Variants in GDA observed in about 807,000 individuals in gnomAD.
The protein encoded by GDA is guanine deaminase, also known as cytoplasmic PSD-95 interactor.
Under a neutral mutation model 59.6 loss-of-function variants are expected in GDA, and 18 were observed. The ratio of observed to expected loss-of-function variants is 0.30; its 90% confidence interval spans 0.21 to 0.45. The LOEUF is 0.45. Among genes scored for constraint, GDA ranks in the 20% least tolerant of loss-of-function variants. The pLI is 1.00. For synonymous variants in GDA, 201 were observed against 201.1 expected (o/e 1.00, Z 0.00); for missense variants, 427 against 552.3 (o/e 0.77, Z 2.27).
At chr9:72,199,994 C>CTTTTTTT (rs1271694156) in intron 2 of GDA, among the ~76,000 whole-genome samples, 10 of 119,842 alleles carry the variant, frequency 8.3e-5, no homozygotes, top group African/African-American at 1.7e-4. Context: ...TGAATCCTTT[C>CTTTTTTT]TTTTTTTTTT....
In GDA at chr9:72,249,237, G is replaced by A. The variant is rs191245546; in HGVS notation, c.*895G>A. The A allele has an allele frequency of 2.4e-5, 24 of 984,876 alleles. No homozygotes were observed. The Admixed American group carries it at 2.5e-4, about 10-fold the overall frequency. The allele number at this position is 984,876 out of a possible 1,614,324, so 61.0% of individuals were successfully genotyped here. ...GGAGTCTTCGTGAACTGGGGCAAAT[G>A]CTGGCATCCAGGAGCCGCCAATACT... On this transcript the variant is annotated 3_prime_UTR_variant, in exon 14 of 14. Coordinates refer to ENST00000358399, the MANE Select transcript of GDA (RefSeq NM_004293.5).
At chr9:72,167,706 T>A (rs919358335) in intron 1 of GDA, among the ~76,000 whole-genome samples, 6 of 152,202 alleles carry the variant, frequency 3.9e-5, no homozygotes, top group African/African-American at 1.4e-4. Flanking sequence ...TGTGGAGGTG[T>A]GTGTTCAAGA....
At chr9:72,216,762 G>A (rs2131513232) in intron 5 of GDA, among the ~76,000 whole-genome samples, 1 of 151,506 alleles carries the variant, frequency 6.6e-6, no homozygotes, top group Admixed American at 6.6e-5. Context: ...TGCAAGCTCT[G>A]CCTCACAGGT....
At chr9:72,149,425 C>A, upstream of GDA, 1 of 1,058,110 alleles carries the variant, frequency 9.5e-7, no homozygotes, top group Non-Finnish European at 1.3e-6. Flanking sequence ...GGCAACCGCC[C>A]GGGTAAGCGG....
In GDA at chr9:72,248,964, T is replaced by A. The variant is rs1374361199; in HGVS notation, c.*622T>A. 1.0e-6 allele frequency: 1 copy of A among 984,552 alleles called. No homozygotes were observed. Among genetic ancestry groups the A allele is most frequent in the East Asian group, 1.1e-4 (1 of 8,806 alleles). The allele number at this position is 984,552 out of a possible 1,614,324, so 61.0% of individuals were successfully genotyped here. A position where few individuals can be genotyped will look rare whatever the true frequency, so the allele number is the denominator to read the frequency against. On this transcript the variant is annotated 3_prime_UTR_variant, in exon 14 of 14. Coordinates refer to ENST00000358399, the MANE Select transcript of GDA (RefSeq NM_004293.5). ...GATGTGTTAGTGTTGTGCTTTGCCT[T>A]CTTTGGCGATGAATGTCAGAAATTG... is the stretch of plus-strand genomic sequence containing the variant.
intron 1 of GDA, among the ~76,000 whole-genome samples, chr9:72,158,341 C>T (rs1467842775): frequency 6.6e-6 from 1 of 152,098 alleles, no homozygotes; most frequent in Non-Finnish European, 1.5e-5. Flanking sequence ...CACCTGTAAT[C>T]CTAGCACTTT....
intron 3 of GDA, among the ~76,000 whole-genome samples, chr9:72,208,197 C>G (rs1834956576): frequency 6.6e-6 from 1 of 152,170 alleles, no homozygotes; most frequent in Admixed American, 6.5e-5. Context: ...TTCTATTATC[C>G]TAACTCCAAA....
intron 1 of GDA, among the ~76,000 whole-genome samples, chr9:72,161,705 C>T (rs911423326): frequency 4.3e-4 from 65 of 152,142 alleles, no homozygotes; most frequent in African/African-American, 1.5e-3. Flanking sequence ...TGAAATGTTG[C>T]TTGTAAATGC....
chr9:72,182,064 A>G (rs1414251537), intron 1 of GDA, among the ~76,000 whole-genome samples: 2 of 152,162 alleles, frequency 1.3e-5, no homozygotes, highest in East Asian at 3.8e-4. Flanking sequence ...AGAGTAAGTT[A>G]TAGACATGCT....
At position 72,249,011 on chromosome 9, in the gene GDA, A is replaced by G. The variant is rs557094677; in HGVS notation, c.*669A>G. The stretch of plus-strand genomic sequence containing the variant: ...ATTGAATGCCACATGCTTTCATAAT[A>G]TAGTTTTGTGCTTCAAAGTGTTTGA... On this transcript the variant is annotated 3_prime_UTR_variant, in exon 14 of 14. Coordinates refer to ENST00000358399, the MANE Select transcript of GDA (RefSeq NM_004293.5). 4.4e-4 allele frequency: 438 copies of G among 985,260 alleles called. No individual in the cohort carries two copies. The highest frequency in any genetic ancestry group is 5.1e-4 in the Non-Finnish European group (422 of 829,366). 61.0% of individuals were successfully genotyped at this position (985,260 alleles called of 1,614,324 possible). A position where few individuals can be genotyped will look rare whatever the true frequency, so the allele number is the denominator to read the frequency against.
chr9:72,172,678 T>C (rs1445994747), intron 1 of GDA, among the ~76,000 whole-genome samples: 1 of 152,212 alleles, frequency 6.6e-6, no homozygotes, highest in Non-Finnish European at 1.5e-5. Context: ...GTTTTAGGAT[T>C]GCTGCTTCCT....
chr9:72,214,585 C>T (rs537125069), intron 5 of GDA, among the ~76,000 whole-genome samples: 11 of 152,184 alleles, frequency 7.2e-5, no homozygotes, highest in South Asian at 6.2e-4. Flanking sequence ...TGAGCCACCA[C>T]GCCCAGCCCA....
rs779979867 is a variant in GDA, at chr9:72,202,715, T to G, written c.357T>G (p.Phe119Leu). 6.2e-7 allele frequency: 1 copy of G among 1,613,654 alleles called. No homozygotes were observed. The highest frequency in any genetic ancestry group is 1.1e-5 in the South Asian group (1 of 91,074). ...AACACAGATTCCAGAACATCGACTT[T>G]GCAGAAGAAGTATATACCAGAGTTG... ...PAEHRFQNID[F>L]AEEVYTRVVR... Residue 119 changes from phenylalanine (F) to leucine (L), a missense_variant, in exon 3 of 14, where the codon TTT becomes TTG. Coordinates refer to ENST00000358399, the MANE Select transcript of GDA (RefSeq NM_004293.5).
At chr9:72,228,097 C>G (rs1356513016) in intron 9 of GDA, 57 bp downstream of exon 9, 1 of 956,768 alleles carries the variant, frequency 1.0e-6, no homozygotes, top group Non-Finnish European at 1.7e-6. Flanking sequence ...AGATTAGCAG[C>G]CAAATGCCTT....
At chr9:72,177,092 C>CTTTTTTTTTTTTT (rs58433062) in intron 1 of GDA, among the ~76,000 whole-genome samples, 1 of 67,798 alleles carries the variant, frequency 1.5e-5, no homozygotes, top group Non-Finnish European at 2.7e-5. Flanking sequence ...TTATAAACTG[C>CTTTTTTTTTTTTT]TTTTTTTTTT....
At chr9:72,147,354 C>T (rs556594249), upstream of GDA, among the ~76,000 whole-genome samples, 47 of 152,258 alleles carry the variant, frequency 3.1e-4, no homozygotes, top group South Asian at 6.6e-3. Flanking sequence ...ACTACAGGCA[C>T]GCATCACCAC....
downstream of GDA, among the ~76,000 whole-genome samples, chr9:72,258,508 T>C (rs1418456956): frequency 6.6e-6 from 1 of 152,166 alleles, no homozygotes; most frequent in Non-Finnish European, 1.5e-5. Context: ...CTGGGCCACT[T>C]AAGTTACCAC....
At chr9:72,142,550 G>A (rs1211263623) in intron 1 of GDA, among the ~76,000 whole-genome samples, 2 of 150,892 alleles carry the variant, frequency 1.3e-5, no homozygotes, top group African/African-American at 4.9e-5. Context: ...TCCAGCCTGG[G>A]CAACAGAGCA....
chr9:72,133,308 A>T (rs4744662), intron 1 of GDA, among the ~76,000 whole-genome samples: 30,129 of 102,068 alleles, frequency 0.3, 4,863 homozygotes, highest in East Asian at 0.58. Flanking sequence ...AAAAAAAAAA[A>T]AATAATAATA....
Sources: allele counts gnomAD v4.1 joint callset (sites outside exome capture counted in the v4.1 genomes callset), GRCh38; gene constraint gnomAD v4.1.1; transcripts MANE v1.5; gene names NCBI Gene and HGNC (gene_info 2026-07-23, HGNC 2026-07-21).